The following KCNC1 variants were observed in gnomAD, a reference collection of about 807,000 sequenced individuals.
KCNC1 encodes the protein voltage-gated potassium channel KCNC1.
In KCNC1, 8 loss-of-function variants were observed where a neutral mutation model predicts 43.4. The observed-to-expected ratio is 0.18, with a 90% confidence interval of 0.11 to 0.33. The LOEUF (loss-of-function observed/expected upper bound fraction) is 0.33, where lower values mean the gene tolerates loss of function less well. Ranked by LOEUF, KCNC1 falls within the 10% of genes least tolerant of loss-of-function variation. The pLI, the probability that KCNC1 is intolerant of heterozygous loss-of-function variation, is 1.00. For synonymous variants in KCNC1, 361 were observed against 360.5 expected (o/e 1.00, Z -0.01); for missense variants, 420 against 836.0 (o/e 0.50, Z 6.14).
intron 2 of KCNC1, chr11:17,774,037 T>TA: frequency 1.0e-5 from 10 of 985,522 alleles, no homozygotes; most frequent in Non-Finnish European, 1.2e-5. Context: ...CTTCTGGCTT[T>TA]ACCCCACAGC....
intron 1 of KCNC1, among the ~76,000 whole-genome samples, chr11:17,767,233 C>G (rs1231436013): frequency 6.9e-6 from 1 of 144,738 alleles, no homozygotes; most frequent in Non-Finnish European, 1.5e-5. Context: ...TGCAGTGAGC[C>G]AAGATCACGC....
At chr11:17,774,199 C>A in intron 2 of KCNC1, 2 of 985,524 alleles carry the variant, frequency 2.0e-6, no homozygotes, top group Non-Finnish European at 1.2e-6. Context: ...GAAACAGCTC[C>A]GAGCTCTCTG....
intron 1 of KCNC1, among the ~76,000 whole-genome samples, chr11:17,746,782 C>G (rs1848904012): frequency 6.6e-6 from 1 of 152,170 alleles, no homozygotes; most frequent in Admixed American, 6.5e-5. Context: ...GAGCCCCTTT[C>G]TCTGCAAGAG....
In KCNC1 at chr11:17,773,505, A is replaced by C. The variant is rs1331575751; in HGVS notation, c.1504+907A>C. 3 of 984,548 alleles carry C rather than the reference A, an allele frequency of 3.0e-6. No homozygotes were observed. Among genetic ancestry groups the C allele is most frequent in the Non-Finnish European group, 3.6e-6 (3 of 829,828 alleles). The allele number at this position is 984,548 out of a possible 1,614,324, so 61.0% of individuals were successfully genotyped here. A position where few individuals can be genotyped will look rare whatever the true frequency, so the allele number is the denominator to read the frequency against. ...TTCCAGCGGTAGGGACTGCAGCAGC[A>C]ATATAGACATCCCAACCAGTGTACA... On this transcript the variant is annotated intron_variant, in intron 2 of 3. Coordinates refer to ENST00000265969, the MANE Select transcript of KCNC1 (RefSeq NM_001112741.2). The surrounding 1 kb of genome is among the most constrained non-coding windows in gnomAD (Gnocchi z 4.1).
intron 1 of KCNC1, among the ~76,000 whole-genome samples, chr11:17,757,037 C>T (rs768638268): frequency 6.6e-6 from 1 of 152,258 alleles, no homozygotes; most frequent in Non-Finnish European, 1.5e-5. Context: ...GGTAATGATG[C>T]CTCCTTCGGA....
In KCNC1 at chr11:17,771,446, G is replaced by C. The variant is rs1028736824; in HGVS notation, c.571-219G>C. On this transcript the variant is annotated intron_variant, in intron 1 of 3. Coordinates refer to ENST00000265969, the MANE Select transcript of KCNC1 (RefSeq NM_001112741.2). This position sits in a 1 kb window ranked among gnomAD's most constrained non-coding sequence, Gnocchi z 4.7. ...GGCTTCCACATCTAGCTGGCAATAG[G>C]GGGAAGAAGACAGCATGGAAGGCGG... Among the ~76,000 whole-genome samples the C allele has an allele frequency of 6.6e-6, 1 of 152,198 alleles. No individual in the cohort carries two copies. The highest frequency in any genetic ancestry group is 2.4e-5 in the African/African-American group (1 of 41,448).
chr11:17,745,649 C>T (rs904408938), intron 1 of KCNC1, among the ~76,000 whole-genome samples: 2 of 152,158 alleles, frequency 1.3e-5, no homozygotes, highest in Non-Finnish European at 2.9e-5. Context: ...GCATCTCCCT[C>T]TGCTGTCTGC....
Position 17,773,408 on chromosome 11 carries a change from G to C in KCNC1, c.1504+810G>C. ...GCTGCCGAGCAAAAGACTAGAGGGGGCCACCACCCTGGGCAGCTTAGATGA... is the reference window on the plus strand; with the variant it reads ...GCTGCCGAGCAAAAGACTAGAGGGGCCCACCACCCTGGGCAGCTTAGATGA... On this transcript the variant is annotated intron_variant, in intron 2 of 3. Transcript: ENST00000265969. The surrounding 1 kb of genome is among the most constrained non-coding windows in gnomAD (Gnocchi z 4.1). The C allele has an allele frequency of 1.0e-6, 1 of 985,392 alleles. No homozygotes were observed. The highest frequency in any genetic ancestry group is 1.1e-4 in the East Asian group (1 of 8,804). 61.0% of individuals were successfully genotyped at this position (985,392 alleles called of 1,614,324 possible). A position where few individuals can be genotyped will look rare whatever the true frequency, so the allele number is the denominator to read the frequency against.
rs1849256876 is a variant in KCNC1 at position 17,773,775 on chromosome 11, CAAAGG to C, written c.1504+1180_1504+1184del. ...ACTTATTCTGTGGACACAGGGATTT[CAAAGG>C]AACAGATGACCCAGAGAAGAATGAC... On this transcript the variant is annotated intron_variant, in intron 2 of 3. Coordinates refer to ENST00000265969, the MANE Select transcript of KCNC1 (RefSeq NM_001112741.2). This position sits in a 1 kb window ranked among gnomAD's most constrained non-coding sequence, Gnocchi z 4.1. The C allele has an allele frequency of 1.0e-6, 1 of 985,488 alleles. No individual in the cohort carries two copies. Among genetic ancestry groups the C allele is most frequent in the Non-Finnish European group, 1.2e-6 (1 of 829,960 alleles). The allele number at this position is 985,488 out of a possible 1,614,324, so 61.0% of individuals were successfully genotyped here.
In KCNC1 at chr11:17,739,086, A is replaced by G. The variant is rs1362039302; in HGVS notation, c.570+2514A>G. Among the ~76,000 whole-genome samples the G allele has an allele frequency of 6.6e-6, 1 of 152,086 alleles. No individual in the cohort carries two copies. The highest frequency in any genetic ancestry group is 2.4e-5 in the African/African-American group (1 of 41,420). On this transcript the variant is annotated intron_variant, in intron 1 of 3. Coordinates refer to ENST00000265969, the MANE Select transcript of KCNC1 (RefSeq NM_001112741.2). This position sits in a 1 kb window ranked among gnomAD's most constrained non-coding sequence, Gnocchi z 4.2. ...CTCTCTGCGGCTCATCTGCGCACAG[A>G]CCAGCCGCCTGCCCGCCCTCCTCCC...
intron 1 of KCNC1, among the ~76,000 whole-genome samples, chr11:17,767,212 G>A (rs1195020155): frequency 1.3e-5 from 2 of 150,806 alleles, no homozygotes; most frequent in Non-Finnish European, 2.9e-5. Context: ...GGGAACCCGG[G>A]AGGCGGAGGT....
In KCNC1 at chr11:17,739,394, T is replaced by C. The variant is rs1014418488; in HGVS notation, c.570+2822T>C. On this transcript the variant is annotated intron_variant, in intron 1 of 3. Transcript: ENST00000265969. This position sits in a 1 kb window ranked among gnomAD's most constrained non-coding sequence, Gnocchi z 4.2. Reference sequence around the variant, plus strand: ...GTGTGTGTGTGTGTGTGTGTGTGTGTGTGTGGTGAGACTGCGACTCTGTGC... The same window carrying C: ...GTGTGTGTGTGTGTGTGTGTGTGTGCGTGTGGTGAGACTGCGACTCTGTGC... Among the ~76,000 whole-genome samples the C allele has an allele frequency of 4.0e-5, 4 of 100,466 alleles. No individual in the cohort carries two copies. Among genetic ancestry groups the C allele is most frequent in the Non-Finnish European group, 8.8e-5 (4 of 45,492 alleles). The allele number at this position is 100,466 out of a possible 152,430, so 65.9% of individuals were successfully genotyped here.
chr11:17,768,704 A>G (rs1275783244), intron 1 of KCNC1, among the ~76,000 whole-genome samples: 1 of 151,858 alleles, frequency 6.6e-6, no homozygotes, highest in African/African-American at 2.4e-5. Flanking sequence ...ATTGAGAGCC[A>G]AGTGTGCAGT....
intron 1 of KCNC1, among the ~76,000 whole-genome samples, chr11:17,757,743 TATTA>T (rs1235505636): frequency 6.6e-6 from 1 of 152,242 alleles, no homozygotes; most frequent in African/African-American, 2.4e-5. Context: ...TACTGTACAT[TATTA>T]ATTGTGCAAT....
At chr11:17,758,756 T>G (rs1280628842) in intron 1 of KCNC1, among the ~76,000 whole-genome samples, 1 of 152,220 alleles carries the variant, frequency 6.6e-6, no homozygotes, top group Non-Finnish European at 1.5e-5. Flanking sequence ...AACAGTGGGT[T>G]TAAAATATTC....
rs548125155 is a variant in KCNC1 at position 17,747,528 on chromosome 11, T to C, written c.570+10956T>C. ...TGTCTCCTCTTTAAAGGGGCTGCTCTGGCACAGGGAGGAGCCTGGGGGCTA... is the reference window on the plus strand; with the variant it reads ...TGTCTCCTCTTTAAAGGGGCTGCTCCGGCACAGGGAGGAGCCTGGGGGCTA... On this transcript the variant is annotated intron_variant, in intron 1 of 3. Coordinates refer to ENST00000265969, the MANE Select transcript of KCNC1 (RefSeq NM_001112741.2). Among the ~76,000 whole-genome samples, 19 of 152,308 alleles carry C rather than the reference T, an allele frequency of 1.2e-4. 1 individual carries two copies. Among genetic ancestry groups the C allele is most frequent in the African/African-American group, 3.8e-4 (16 of 41,584 alleles).
intron 1 of KCNC1, among the ~76,000 whole-genome samples, chr11:17,741,080 A>C (rs962996144): frequency 4.6e-5 from 7 of 151,842 alleles, no homozygotes; most frequent in Non-Finnish European, 1.5e-5. Flanking sequence ...CATATGAAGG[A>C]GACCCATGAA....
Position 17,742,537 on chromosome 11 carries a change from G to C in KCNC1, c.570+5965G>C, listed in dbSNP as rs915488043. On this transcript the variant is annotated intron_variant, in intron 1 of 3. Transcript: ENST00000265969. The surrounding 1 kb of genome is among the most constrained non-coding windows in gnomAD (Gnocchi z 4.2). ...CAGCCTGGCTACCACCCCAGCGTGA[G>C]CTCCCCTCTGCTAGGTGCAAGGTTA... is the stretch of plus-strand genomic sequence containing the variant. 6.6e-6 allele frequency among the ~76,000 whole-genome samples: 1 copy of C among 152,248 alleles called. No homozygotes were observed. The highest frequency in any genetic ancestry group is 2.4e-5 in the African/African-American group (1 of 41,462).
rs1284178894 is a variant in KCNC1, at chr11:17,772,478, C to T, written c.1384C>T (p.Arg462Trp). 1.9e-6 allele frequency: 3 copies of T among 1,614,236 alleles called. No homozygotes were observed. The highest frequency in any genetic ancestry group is 2.5e-6 in the Non-Finnish European group (3 of 1,180,032). ...AAAGAAAAAAAAGAAGCATATTCCG[C>T]GGCCACCGCAGCTGGGATCTCCCAA... ...LPKKKKKHIP[R>W]PPQLGSPNYC... Residue 462 changes from arginine (R) to tryptophan (W), a missense_variant, in exon 2 of 4, where the codon CGG becomes TGG. Arg to Trp is a moderately radical substitution (Grantham distance 101, BLOSUM62 -3). Coordinates refer to ENST00000265969, the MANE Select transcript of KCNC1 (RefSeq NM_001112741.2).
Sources: allele counts gnomAD v4.1 joint callset (sites outside exome capture counted in the v4.1 genomes callset), GRCh38; gene constraint gnomAD v4.1.1; non-coding constraint Gnocchi (gnomAD v3.1); transcripts MANE v1.5; gene names NCBI Gene and HGNC (gene_info 2026-07-23, HGNC 2026-07-21).